TRPM3: variants seen among roughly 807,000 people sequenced by gnomAD.
The protein encoded by TRPM3 is long transient receptor potential channel 3.
In TRPM3, 77 loss-of-function variants were observed where a neutral mutation model predicts 181.2. That is an observed-to-expected ratio of 0.42 (90% CI 0.35 to 0.51). The LOEUF (loss-of-function observed/expected upper bound fraction) is 0.51, where lower values mean the gene tolerates loss of function less well. Ranked by LOEUF, TRPM3 falls within the 20% of genes least tolerant of loss-of-function variation. The pLI is 0.01. For synonymous variants in TRPM3, 745 were observed against 796.4 expected (o/e 0.94, Z 1.09); for missense variants, 1,759 against 2,196.7 (o/e 0.80, Z 3.98).
chr9:70,820,748 A>ATCTGTAAGCTAGGG (rs2093093370), intron 6 of TRPM3, among the ~76,000 whole-genome samples: 1 of 152,068 alleles, frequency 6.6e-6, no homozygotes, highest in African/African-American at 2.4e-5. Context: ...TCACAACTCC[A>ATCTGTAAGCTAGGG]TCTGTAAGCT....
chr9:71,274,858 C>T (rs2132151077), intron 1 of TRPM3, among the ~76,000 whole-genome samples: 1 of 152,288 alleles, frequency 6.6e-6, no homozygotes, highest in Non-Finnish European at 1.5e-5. Flanking sequence ...TCCTTCACCT[C>T]CAGTGATTTA....
At chr9:71,112,397 CTGGGTCACTTTCA>C (rs2071319353) in intron 1 of TRPM3, among the ~76,000 whole-genome samples, 1 of 152,072 alleles carries the variant, frequency 6.6e-6, no homozygotes, top group Non-Finnish European at 1.5e-5. Flanking sequence ...ATATTTTATT[CTGGGTCACTTTCA>C]CTGAGCACGA....
intron 12 of TRPM3, among the ~76,000 whole-genome samples, chr9:70,627,812 T>C (rs2064942380): frequency 6.6e-6 from 1 of 152,172 alleles, no homozygotes; most frequent in Non-Finnish European, 1.5e-5. Flanking sequence ...TTTGATGAGC[T>C]GAATAGTCCC....
intron 1 of TRPM3, among the ~76,000 whole-genome samples, chr9:71,276,456 T>C (rs988691259): frequency 2.6e-5 from 4 of 151,632 alleles, no homozygotes; most frequent in African/African-American, 7.3e-5. Context: ...ATGTAGCATA[T>C]ACAAAAAAAA....
intron 1 of TRPM3, among the ~76,000 whole-genome samples, chr9:71,021,923 G>A (rs545317191): frequency 6.6e-6 from 1 of 152,268 alleles, no homozygotes; most frequent in African/African-American, 2.4e-5. Context: ...ATATATCATT[G>A]AGAGATAAAT....
chr9:71,122,385 G>A (rs924934933), upstream of TRPM3, among the ~76,000 whole-genome samples: 3 of 152,156 alleles, frequency 2.0e-5, no homozygotes, highest in South Asian at 2.1e-4. Context: ...AAGTTGGGAC[G>A]GTGAGATGAG....
At chr9:70,815,010 C>T (rs1012836030) in intron 6 of TRPM3, among the ~76,000 whole-genome samples, 2 of 151,906 alleles carry the variant, frequency 1.3e-5, no homozygotes, top group African/African-American at 4.8e-5. Flanking sequence ...AAGTGTCACT[C>T]CCTGTATTTT....
chr9:70,615,799 G>T, intron 18 of TRPM3, 109 bp downstream of exon 18: 1 of 1,144,930 alleles, frequency 8.7e-7, no homozygotes, highest in Non-Finnish European at 1.2e-6. Context: ...CTGGTGGAAG[G>T]CTGGGAACAG....
At chr9:70,639,885 G>A (rs910745905) in intron 10 of TRPM3, among the ~76,000 whole-genome samples, 2 of 152,158 alleles carry the variant, frequency 1.3e-5, no homozygotes, top group Non-Finnish European at 2.9e-5. Flanking sequence ...ACTCTCTAGG[G>A]GAAAGGAAGG....
chr9:71,041,560 C>A (rs555718044), intron 1 of TRPM3, among the ~76,000 whole-genome samples: 13 of 152,070 alleles, frequency 8.5e-5, no homozygotes, highest in Non-Finnish European at 1.8e-4. Flanking sequence ...TGGCAATGTC[C>A]AAATCGATGC....
chr9:71,067,091 C>T (rs973365607), intron 1 of TRPM3, among the ~76,000 whole-genome samples: 1 of 152,250 alleles, frequency 6.6e-6, no homozygotes, highest in Non-Finnish European at 1.5e-5. Flanking sequence ...AGCACTCCAA[C>T]GATAGGCAAG....
chr9:70,777,019 T>C (rs960517366), intron 7 of TRPM3, among the ~76,000 whole-genome samples: 9 of 151,872 alleles, frequency 5.9e-5, no homozygotes, highest in African/African-American at 2.2e-4. Flanking sequence ...ATAACCACGT[T>C]TATTTGGATT....
intron 8 of TRPM3, among the ~76,000 whole-genome samples, chr9:70,759,775 C>G (rs2077744334): frequency 6.6e-6 from 1 of 151,992 alleles, no homozygotes; most frequent in Admixed American, 6.6e-5. Flanking sequence ...TAAGCTGGAG[C>G]TGAACAGTAA....
chr9:70,807,935 GTAGT>G (rs1441226560), intron 6 of TRPM3, among the ~76,000 whole-genome samples: 1 of 152,118 alleles, frequency 6.6e-6, no homozygotes, highest in East Asian at 1.9e-4. Context: ...TTTTGGCCAG[GTAGT>G]TAGAGTGAGA....
chr9:70,615,305 T>G (rs569119706), intron 18 of TRPM3, among the ~76,000 whole-genome samples: 269 of 152,346 alleles, frequency 1.8e-3, no homozygotes, highest in Middle Eastern at 6.8e-3. Context: ...CCTCTGCACA[T>G]GAGCCAGTGG....
intron 9 of TRPM3, among the ~76,000 whole-genome samples, chr9:70,666,788 G>C (rs1026638756): frequency 2.6e-5 from 4 of 152,040 alleles, no homozygotes; most frequent in Admixed American, 1.3e-4. Flanking sequence ...ATGTTCTGGA[G>C]TTCTGGGACA....
chr9:70,690,744 A>C (rs1228290458), intron 8 of TRPM3, among the ~76,000 whole-genome samples: 1 of 152,156 alleles, frequency 6.6e-6, no homozygotes, highest in African/African-American at 2.4e-5. Context: ...GAAATGATAC[A>C]AGACTCTTGA....
intron 1 of TRPM3, among the ~76,000 whole-genome samples, chr9:71,311,797 A>T (rs1484670208): frequency 6.6e-6 from 1 of 151,920 alleles, no homozygotes; most frequent in African/African-American, 2.4e-5. Context: ...AAAAAAAAAT[A>T]ATAAAATAAA....
intron 7 of TRPM3, among the ~76,000 whole-genome samples, chr9:70,765,246 AG>A (rs1346468261): frequency 6.6e-6 from 1 of 152,170 alleles, no homozygotes. Flanking sequence ...AGGGATGATA[AG>A]GGGGAACACT....
Sources: allele counts gnomAD v4.1 joint callset (sites outside exome capture counted in the v4.1 genomes callset), GRCh38; gene constraint gnomAD v4.1.1; transcripts MANE v1.5; gene names NCBI Gene and HGNC (gene_info 2026-07-23, HGNC 2026-07-21).